RASGRF2: variants seen among roughly 807,000 people sequenced by gnomAD.
The protein encoded by RASGRF2 is Ras protein specific guanine nucleotide releasing factor 2.
Under a neutral mutation model 151.0 loss-of-function variants are expected in RASGRF2, and 76 were observed. The ratio of observed to expected loss-of-function variants is 0.50; its 90% confidence interval spans 0.42 to 0.61. The LOEUF is 0.61. RASGRF2 is among the 20% of genes least tolerant of loss of function. RASGRF2 has a pLI of 0.00. For synonymous variants in RASGRF2, 504 were observed against 566.5 expected (o/e 0.89, Z 1.57); for missense variants, 1,148 against 1,564.6 (o/e 0.73, Z 4.49).
chr5:81,055,837 C>T (rs1301782068), intron 2 of RASGRF2, among the ~76,000 whole-genome samples: 4 of 152,140 alleles, frequency 2.6e-5, no homozygotes, highest in African/African-American at 9.7e-5. Flanking sequence ...AGGGATTCCA[C>T]TTCTTCCTGG....
At chr5:80,997,664 G>A (rs1483000264) in intron 1 of RASGRF2, 1 of 152,210 alleles carries the variant, frequency 6.6e-6, no homozygotes, top group East Asian at 1.9e-4. Flanking sequence ...AAGAAAATCA[G>A]TGAATATTTA....
At chr5:80,999,169 G>GATCAGAA (rs1748997239) in intron 1 of RASGRF2, among the ~76,000 whole-genome samples, 1 of 152,078 alleles carries the variant, frequency 6.6e-6, no homozygotes, top group African/African-American at 2.4e-5. Flanking sequence ...AGAGATCAGA[G>GATCAGAA]TTTGTTCACC....
chr5:81,129,399 T>A (rs988318036), intron 17 of RASGRF2, among the ~76,000 whole-genome samples: 1 of 152,114 alleles, frequency 6.6e-6, no homozygotes, highest in African/African-American at 2.4e-5. Flanking sequence ...AAAGAGATGT[T>A]CTCTAATGGA....
chr5:81,042,831 G>C lies in RASGRF2; in HGVS notation c.289-46G>C, dbSNP rs77352644. On this transcript the variant is annotated intron_variant, in intron 1 of 26. Transcript: ENST00000265080. ...AGATACTGTGTTATTATGCTGTTGTGCTTGAAAAATAGAACTAAGTTTTTT... is the reference window on the plus strand; with the variant it reads ...AGATACTGTGTTATTATGCTGTTGTCCTTGAAAAATAGAACTAAGTTTTTT... 1.7e-4 allele frequency: 233 copies of C among 1,364,888 alleles called. 1 individual carries two copies. In the African/African-American group the frequency reaches 2.9e-3, roughly 17 times the overall value. The allele number at this position is 1,364,888 out of a possible 1,614,324, so 84.5% of individuals were successfully genotyped here. A position where few individuals can be genotyped will look rare whatever the true frequency, so the allele number is the denominator to read the frequency against.
At chr5:81,099,063 C>G (rs986849123) in intron 12 of RASGRF2, among the ~76,000 whole-genome samples, 1 of 152,168 alleles carries the variant, frequency 6.6e-6, no homozygotes, top group Non-Finnish European at 1.5e-5. Context: ...AATGCAGATT[C>G]CTTAACCCAC....
intron 17 of RASGRF2, among the ~76,000 whole-genome samples, chr5:81,175,703 C>T (rs772593973): frequency 6.8e-6 from 1 of 147,082 alleles, no homozygotes; most frequent in African/African-American, 2.6e-5. Context: ...TGCAGTGAGC[C>T]GAGATTGTGC....
At chr5:81,148,266 G>T (rs952898354) in intron 17 of RASGRF2, among the ~76,000 whole-genome samples, 2 of 152,080 alleles carry the variant, frequency 1.3e-5, no homozygotes, top group Admixed American at 6.5e-5. Context: ...TTTGTTTAGT[G>T]GTATTTCACA....
chr5:81,112,563 G>T, intron 13 of RASGRF2, 47 bp from the exon 14 acceptor site: 2 of 1,609,120 alleles, frequency 1.2e-6, no homozygotes, highest in Non-Finnish European at 1.7e-6. Flanking sequence ...GGCCGAGGGG[G>T]AAGCCTCCTC....
chr5:81,004,218 C>T (rs539462756), intron 1 of RASGRF2, among the ~76,000 whole-genome samples: 6 of 152,346 alleles, frequency 3.9e-5, no homozygotes, highest in African/African-American at 1.4e-4. Flanking sequence ...AAAGTTCCCA[C>T]TTGCTGCTAA....
At chr5:81,067,266 T>C (rs1751635748) in intron 2 of RASGRF2, among the ~76,000 whole-genome samples, 1 of 152,212 alleles carries the variant, frequency 6.6e-6, no homozygotes, top group Non-Finnish European at 1.5e-5. Context: ...AAAGATGATA[T>C]GCATGGAAGA....
intron 17 of RASGRF2, among the ~76,000 whole-genome samples, chr5:81,158,080 A>T (rs1002805708): frequency 6.6e-6 from 1 of 152,246 alleles, no homozygotes; most frequent in Non-Finnish European, 1.5e-5. Flanking sequence ...CATCTTGAAA[A>T]AATAAGAACT....
intron 12 of RASGRF2, 100 bp downstream of exon 12, chr5:81,095,092 C>T (rs1386703810): frequency 3.4e-6 from 3 of 880,306 alleles, no homozygotes; most frequent in Non-Finnish European, 4.6e-6. Context: ...TAAAAAATTA[C>T]ACTCAGTTGC....
chr5:80,962,409 ATAAG>A (rs1256865904), intron 1 of RASGRF2, among the ~76,000 whole-genome samples: 10 of 152,140 alleles, frequency 6.6e-5, no homozygotes, highest in African/African-American at 2.4e-4. Context: ...AGGAATATAT[ATAAG>A]TAACATTCTA....
chr5:81,092,720 CT>C, intron 9 of RASGRF2, 80 bp from the exon 10 acceptor site: 1 of 1,327,648 alleles, frequency 7.5e-7, no homozygotes, highest in Non-Finnish European at 1.0e-6. Flanking sequence ...GGAAACAGAC[CT>C]TAGTGTTTAT....
intron 2 of RASGRF2, among the ~76,000 whole-genome samples, chr5:81,061,448 C>T (rs966369679): frequency 6.6e-6 from 1 of 151,324 alleles, no homozygotes; most frequent in Admixed American, 6.6e-5. Flanking sequence ...GCCCTGAGTA[C>T]TATTTTTCTA....
chr5:81,180,465 C>T (rs921009226), intron 18 of RASGRF2, among the ~76,000 whole-genome samples, 184 bp downstream of exon 18: 7 of 152,206 alleles, frequency 4.6e-5, no homozygotes, highest in African/African-American at 1.7e-4. Flanking sequence ...GTCTTGCCAA[C>T]ATCCACTGTT....
intron 26 of RASGRF2, among the ~76,000 whole-genome samples, 172 bp downstream of exon 26, chr5:81,219,950 A>G (rs1319479599): frequency 2.0e-5 from 3 of 151,790 alleles, no homozygotes; most frequent in Admixed American, 2.0e-4. Context: ...AAGAACATCA[A>G]TTCATCATCA....
chr5:80,982,233 G>A (rs1748324940), intron 1 of RASGRF2, among the ~76,000 whole-genome samples: 1 of 152,148 alleles, frequency 6.6e-6, no homozygotes, highest in African/African-American at 2.4e-5. Flanking sequence ...TATGAAAGAA[G>A]TTTAAGGTCT....
At chr5:81,032,271 A>G (rs2112365049) in intron 1 of RASGRF2, among the ~76,000 whole-genome samples, 1 of 152,338 alleles carries the variant, frequency 6.6e-6, no homozygotes. Flanking sequence ...ACAGAAAAAG[A>G]GGGAATCCTC....
Sources: gnomAD v4.1 joint callset for allele counts (sites outside exome capture counted in the v4.1 genomes callset) on GRCh38, gnomAD v4.1.1 for gene constraint, MANE v1.5 for transcripts, NCBI Gene and HGNC (gene_info 2026-07-23, HGNC 2026-07-21) for gene names.